Variants in EXOC4 observed in about 807,000 individuals in gnomAD.
EXOC4 encodes exocyst complex component 4.
In EXOC4, 71 loss-of-function variants were observed where a neutral mutation model predicts 107.2. The observed-to-expected ratio is 0.66, with a 90% confidence interval of 0.55 to 0.81. The LOEUF is 0.81. Ranked by LOEUF, EXOC4 falls within the 30% of genes least tolerant of loss-of-function variation. The pLI, the probability that EXOC4 is intolerant of heterozygous loss-of-function variation, is 0.00. For missense variants in EXOC4, 1,108 were observed against 1,189.6 expected (o/e 0.93, Z 1.01); for synonymous variants, 456 against 441.2 (o/e 1.03, Z -0.42).
At chr7:133,840,152 T>C (rs1236661219) in intron 11 of EXOC4, among the ~76,000 whole-genome samples, 2 of 152,186 alleles carry the variant, frequency 1.3e-5, no homozygotes, top group Non-Finnish European at 2.9e-5. Flanking sequence ...GTGGCATACC[T>C]TATTGAGGGG....
intron 9 of EXOC4, among the ~76,000 whole-genome samples, chr7:133,618,025 C>T (rs1396995248): frequency 6.6e-6 from 1 of 152,062 alleles, no homozygotes; most frequent in East Asian, 1.9e-4. Flanking sequence ...TAAAGTTAAT[C>T]AGGATTCAGT....
Position 134,046,489 on chromosome 7 carries a change from G to C in EXOC4, c.2688-17802G>C, listed in dbSNP as rs6951575. On this transcript the variant is annotated intron_variant, in intron 17 of 17. Coordinates refer to ENST00000253861, the MANE Select transcript of EXOC4 (RefSeq NM_021807.4). ...TGTCTTAAAAAAAAAAACAAAAAAA[G>C]ACGGCTCAGATGGTCCCCTCCTAAG... Among the ~76,000 whole-genome samples, 6 of 150,076 alleles carry C rather than the reference G, an allele frequency of 4.0e-5. No individual in the cohort carries two copies. The East Asian group carries it at 6.1e-4, about 15-fold the overall frequency.
chr7:133,497,139 G>T (rs1254868407), intron 9 of EXOC4, among the ~76,000 whole-genome samples: 1 of 152,120 alleles, frequency 6.6e-6, no homozygotes, highest in East Asian at 1.9e-4. Flanking sequence ...CTAGGAGCAG[G>T]TCCCTATGCC....
chr7:133,457,367 G>C (rs1213162338), intron 7 of EXOC4, among the ~76,000 whole-genome samples: 1 of 152,076 alleles, frequency 6.6e-6, no homozygotes, highest in Non-Finnish European at 1.5e-5. Flanking sequence ...AGACATTTTT[G>C]TACTGAGAAA....
At chr7:133,321,638 G>A (rs1035599327) in intron 5 of EXOC4, among the ~76,000 whole-genome samples, 1 of 152,224 alleles carries the variant, frequency 6.6e-6, no homozygotes, top group Non-Finnish European at 1.5e-5. Flanking sequence ...ATGGACATTT[G>A]GGTTGGTTCC....
At chr7:133,400,336 G>T (rs1339554373) in intron 7 of EXOC4, among the ~76,000 whole-genome samples, 1 of 152,170 alleles carries the variant, frequency 6.6e-6, no homozygotes, top group African/African-American at 2.4e-5. Flanking sequence ...ATATTTATCA[G>T]TTGCCTACTC....
At chr7:133,803,680 C>G (rs1254190809) in intron 10 of EXOC4, among the ~76,000 whole-genome samples, 1 of 152,122 alleles carries the variant, frequency 6.6e-6, no homozygotes, top group Non-Finnish European at 1.5e-5. Context: ...CAGGAAGACA[C>G]CTTTTCTTTA....
intron 7 of EXOC4, among the ~76,000 whole-genome samples, chr7:133,421,536 G>A (rs376044436): frequency 5.9e-5 from 9 of 152,316 alleles, no homozygotes; most frequent in African/African-American, 2.2e-4. Context: ...GAAGAGAGAA[G>A]GAAAGTTATG....
intron 12 of EXOC4, among the ~76,000 whole-genome samples, chr7:133,909,505 G>A (rs1799642188): frequency 1.3e-5 from 2 of 152,150 alleles, no homozygotes. Context: ...GAGCAAGTCC[G>A]AAGATGGGAA....
chr7:133,970,960 T>C (rs1801207276), intron 14 of EXOC4, among the ~76,000 whole-genome samples: 1 of 152,122 alleles, frequency 6.6e-6, no homozygotes, highest in Non-Finnish European at 1.5e-5. Context: ...AAATTGCTTC[T>C]AAGTCTTTGA....
At chr7:133,509,694 G>A (rs1041185862) in intron 9 of EXOC4, among the ~76,000 whole-genome samples, 61 of 152,286 alleles carry the variant, frequency 4.0e-4, no homozygotes, top group Admixed American at 3.2e-3. Context: ...ATTGGAGAGA[G>A]AAATAAATGT....
intron 7 of EXOC4, among the ~76,000 whole-genome samples, chr7:133,429,653 G>A (rs1023139010): frequency 6.6e-6 from 1 of 152,134 alleles, no homozygotes; most frequent in African/African-American, 2.4e-5. Flanking sequence ...TCTACTTTCT[G>A]TCTCTGTAGA....
intron 7 of EXOC4, among the ~76,000 whole-genome samples, chr7:133,380,570 G>A (rs1358816298): frequency 6.6e-6 from 1 of 151,916 alleles, no homozygotes; most frequent in East Asian, 1.9e-4. Context: ...CTACTTTTTG[G>A]AAATGACTTA....
intron 9 of EXOC4, among the ~76,000 whole-genome samples, chr7:133,505,031 G>C (rs1799642844): frequency 1.3e-5 from 2 of 152,088 alleles, no homozygotes; most frequent in Non-Finnish European, 1.5e-5. Flanking sequence ...TCATCTATGA[G>C]ATAGATGGAA....
intron 17 of EXOC4, among the ~76,000 whole-genome samples, chr7:134,061,851 A>T (rs1796066492): frequency 6.6e-6 from 1 of 152,210 alleles, no homozygotes; most frequent in Non-Finnish European, 1.5e-5. Flanking sequence ...TTCCTGCAGC[A>T]TCAAGTTTTT....
At chr7:133,332,370 C>T (rs1043822408) in intron 5 of EXOC4, among the ~76,000 whole-genome samples, 1 of 152,132 alleles carries the variant, frequency 6.6e-6, no homozygotes, top group Non-Finnish European at 1.5e-5. Flanking sequence ...GTGGCTCATG[C>T]CTGTAATCCC....
At chr7:133,488,266 A>G (rs183449279) in intron 9 of EXOC4, among the ~76,000 whole-genome samples, 124 of 152,336 alleles carry the variant, frequency 8.1e-4, no homozygotes, top group Middle Eastern at 3.4e-3. Flanking sequence ...AGTGCTAGAA[A>G]GTGCTTTAGA....
At chr7:133,803,470 T>C (rs1796996215) in intron 10 of EXOC4, among the ~76,000 whole-genome samples, 1 of 152,184 alleles carries the variant, frequency 6.6e-6, no homozygotes, top group Admixed American at 6.5e-5. Context: ...TGACTCTTGC[T>C]TGGACAGCTG....
chr7:133,758,432 C>T (rs998593976), intron 10 of EXOC4, among the ~76,000 whole-genome samples: 1 of 152,214 alleles, frequency 6.6e-6, no homozygotes, highest in Non-Finnish European at 1.5e-5. Flanking sequence ...AGCCACCGTG[C>T]CCGGCCCATA....
Sources: gnomAD v4.1 joint callset for allele counts (sites outside exome capture counted in the v4.1 genomes callset) on GRCh38, gnomAD v4.1.1 for gene constraint, MANE v1.5 for transcripts, NCBI Gene and HGNC (gene_info 2026-07-23, HGNC 2026-07-21) for gene names.